KCTD1: variants seen among roughly 807,000 people sequenced by gnomAD.
The protein encoded by KCTD1 is potassium channel tetramerization domain containing 1.
In KCTD1, 24 loss-of-function variants were observed where a neutral mutation model predicts 66.0. The ratio of observed to expected loss-of-function variants is 0.36; its 90% CI spans 0.26 to 0.51. The LOEUF (loss-of-function observed/expected upper bound fraction) is 0.51, where lower values mean the gene tolerates loss of function less well. Among genes scored for constraint, KCTD1 ranks in the 20% least tolerant of loss-of-function variants. The pLI, the probability that KCTD1 is intolerant of heterozygous loss-of-function variation, is 0.95. For missense variants in KCTD1, 943 were observed against 1,205.2 expected, an observed-to-expected ratio of 0.78 and a Z score of 3.22; for synonymous variants, 511 against 517.2, an observed-to-expected ratio of 0.99 and a Z score of 0.16.
chr18:26,488,393 T>C (rs569027584), intron 2 of KCTD1, among the ~76,000 whole-genome samples: 1 of 152,342 alleles, frequency 6.6e-6, no homozygotes, highest in East Asian at 1.9e-4. Context: ...TTCTTTTTTT[T>C]TTCTTTTATA....
intron 1 of KCTD1, among the ~76,000 whole-genome samples, chr18:26,585,047 C>T (rs1010936324): frequency 3.3e-5 from 5 of 152,000 alleles, no homozygotes; most frequent in East Asian, 1.9e-4. Context: ...CTTTGGGTGA[C>T]GCCTCATGAG....
At chr18:26,549,992 G>T (rs1396772876), upstream of KCTD1, among the ~76,000 whole-genome samples, 1 of 152,050 alleles carries the variant, frequency 6.6e-6, no homozygotes, top group Non-Finnish European at 1.5e-5. Flanking sequence ...TCTCTTAGGA[G>T]GCACAGCCCA....
chr18:26,596,154 G>A (rs532892513), intron 1 of KCTD1, among the ~76,000 whole-genome samples: 1 of 152,332 alleles, frequency 6.6e-6, no homozygotes, highest in African/African-American at 2.4e-5. Context: ...TAACTCGCAT[G>A]TGATAATATT....
chr18:26,489,160 C>A (rs1462056362), intron 2 of KCTD1, among the ~76,000 whole-genome samples: 1 of 152,200 alleles, frequency 6.6e-6, no homozygotes, highest in African/African-American at 2.4e-5. Flanking sequence ...CTTCCTATCT[C>A]CAGGCAGCTT....
At chr18:26,493,397 G>GT (rs1299823990) in intron 2 of KCTD1, among the ~76,000 whole-genome samples, 2 of 112,046 alleles carry the variant, frequency 1.8e-5, no homozygotes, top group South Asian at 2.8e-4. Flanking sequence ...GAACAAAGAT[G>GT]TATTTTTTGG....
intron 1 of KCTD1, among the ~76,000 whole-genome samples, chr18:26,587,022 T>G (rs1159363371): frequency 6.6e-6 from 1 of 152,200 alleles, no homozygotes; most frequent in Non-Finnish European, 1.5e-5. Context: ...GTGGTTACAC[T>G]AAACAGATTT....
At chr18:26,492,605 CAATAAATA>C (rs56266790) in intron 2 of KCTD1, among the ~76,000 whole-genome samples, 10,803 of 138,454 alleles carry the variant, frequency 0.078, 481 homozygotes, top group Middle Eastern at 0.13. Flanking sequence ...GACACTGTCT[CAATAAATA>C]AATAAATAAA....
Position 26,548,293 on chromosome 18 carries a change from C to T in KCTD1, c.244G>A (p.Gly82Ser). 2.0e-6 allele frequency: 3 copies of T among 1,507,096 alleles called. No homozygotes were observed. Among genetic ancestry groups the T allele is most frequent in the Non-Finnish European group, 2.7e-6 (3 of 1,130,682 alleles). 93.4% of individuals were successfully genotyped at this position (1,507,096 alleles called of 1,614,324 possible). Reference protein sequence around the residue: ...TGDEEEEEDGGGGLEEDEEEE... With the variant: ...TGDEEEEEDGSGGLEEDEEEE... ...TCCTCGTCCTCCTCCAGCCCCCCAC[C>T]TCCGTCCTCCTCCTCCTCCTCGTCC... is the stretch of plus-strand genomic sequence containing the variant. Residue 82 changes from glycine (G) to serine (S), a missense_variant, in exon 1 of 5, where the codon GGT becomes AGT. By Grantham distance (56) the Gly-to-Ser change is moderately conservative. Around this residue, in one of 10 missense-constraint regions of KCTD1, gnomAD observed 236 missense variants for 206.6 expected, o/e 1.14. Coordinates refer to ENST00000580059, the MANE Select transcript of KCTD1 (RefSeq NM_001142730.3).
intron 1 of KCTD1, among the ~76,000 whole-genome samples, chr18:26,624,676 C>CT (rs1187382148): frequency 6.6e-6 from 1 of 152,218 alleles, no homozygotes; most frequent in Non-Finnish European, 1.5e-5. Context: ...AGAATTTCCA[C>CT]TAGGGCAGTG....
upstream of KCTD1, among the ~76,000 whole-genome samples, chr18:26,550,573 C>CACACACAG (rs1555642101): frequency 7.7e-6 from 1 of 129,210 alleles, no homozygotes; most frequent in Non-Finnish European, 1.6e-5. This position sits in a 1 kb window ranked among gnomAD's most constrained non-coding sequence, Gnocchi z 5.4. Flanking sequence ...CAGACACACA[C>CACACACAG]ACACACACAC....
intron 1 of KCTD1, among the ~76,000 whole-genome samples, chr18:26,528,776 C>T (rs749072189): frequency 6.6e-6 from 1 of 152,190 alleles, no homozygotes; most frequent in Non-Finnish European, 1.5e-5. Flanking sequence ...CTGCATTGAA[C>T]AAAATGGACG....
chr18:26,601,215 T>C (rs1245321004), intron 1 of KCTD1, among the ~76,000 whole-genome samples: 1 of 150,782 alleles, frequency 6.6e-6, no homozygotes, highest in African/African-American at 2.4e-5. Context: ...TTTGTTCTTG[T>C]TACCCACCCG....
At chr18:26,530,596 G>T (rs996286177) in intron 1 of KCTD1, among the ~76,000 whole-genome samples, 1 of 152,190 alleles carries the variant, frequency 6.6e-6, no homozygotes, top group African/African-American at 2.4e-5. Context: ...TAATTTGGCT[G>T]ATGATTTATT....
intron 1 of KCTD1, among the ~76,000 whole-genome samples, chr18:26,617,881 GAAGGA>G (rs1195053918): frequency 2.8e-3 from 359 of 128,032 alleles, no homozygotes; most frequent in African/African-American, 9.8e-3. Flanking sequence ...GGGAGGGAGG[GAAGGA>G]GGGCAGGCAA....
At chr18:26,633,211 G>A (rs1378836001), upstream of KCTD1, among the ~76,000 whole-genome samples, 4 of 152,136 alleles carry the variant, frequency 2.6e-5, no homozygotes. Flanking sequence ...AAATGTGGAA[G>A]TTCAGTGTAG....
chr18:26,472,754 G>C (rs1433025177), intron 3 of KCTD1, among the ~76,000 whole-genome samples: 1 of 152,238 alleles, frequency 6.6e-6, no homozygotes, highest in Non-Finnish European at 1.5e-5. Context: ...CAGGGACCCA[G>C]CTTCCTGATT....
chr18:26,520,880 G>C (rs1050014685), intron 1 of KCTD1, among the ~76,000 whole-genome samples: 1 of 152,196 alleles, frequency 6.6e-6, no homozygotes, highest in African/African-American at 2.4e-5. Context: ...TTTCCTAAAG[G>C]CTGGAAGTTC....
intron 4 of KCTD1, chr18:26,457,429 A>C (rs780802316): frequency 2.6e-5 from 4 of 152,238 alleles, no homozygotes; most frequent in Non-Finnish European, 4.4e-5. Flanking sequence ...GCACCCTGGA[A>C]AAGATCCCTT....
intron 2 of KCTD1, among the ~76,000 whole-genome samples, chr18:26,485,963 G>A (rs1008913082): frequency 2.7e-5 from 4 of 149,284 alleles, no homozygotes; most frequent in Non-Finnish European, 4.4e-5. Flanking sequence ...GCCCAGGCTG[G>A]AGTGCAGTGG....
Sources: allele counts gnomAD v4.1 joint callset (sites outside exome capture counted in the v4.1 genomes callset), GRCh38; gene constraint gnomAD v4.1.1; regional missense constraint gnomAD v4.1.1; non-coding constraint Gnocchi (gnomAD v3.1); transcripts MANE v1.5; gene names NCBI Gene and HGNC (gene_info 2026-07-23, HGNC 2026-07-21).